RALGPS2: variants seen among roughly 807,000 people sequenced by gnomAD.
RALGPS2 encodes Ral GEF with PH domain and SH3 binding motif 2.
Under a neutral mutation model 86.8 loss-of-function variants are expected in RALGPS2, and 43 were observed. The ratio of observed to expected loss-of-function variants is 0.50; its 90% CI spans 0.39 to 0.64. The LOEUF (loss-of-function observed/expected upper bound fraction) is 0.64, where lower values mean the gene tolerates loss of function less well. RALGPS2 is among the 30% of genes least tolerant of loss of function. RALGPS2 has a pLI of 0.00. For missense variants in RALGPS2, 536 were observed against 694.6 expected, an observed-to-expected ratio of 0.77 and a Z score of 2.57; for synonymous variants, 243 against 231.3, an observed-to-expected ratio of 1.05 and a Z score of -0.46.
chr1:178,885,840 T>G, intron 12 of RALGPS2, 129 bp from the exon 13 acceptor site: 1 of 793,594 alleles, frequency 1.3e-6, no homozygotes, highest in Non-Finnish European at 1.9e-6. Flanking sequence ...ACTGTTCATT[T>G]GAGGCTTTTA....
chr1:178,816,434 T>C (rs1655232805), intron 6 of RALGPS2, among the ~76,000 whole-genome samples: 1 of 152,186 alleles, frequency 6.6e-6, no homozygotes, highest in Admixed American at 6.5e-5. Flanking sequence ...ATAGGATTGT[T>C]TGTCTTATCA....
At chr1:178,884,334 A>C in intron 11 of RALGPS2, among the ~76,000 whole-genome samples, 1 of 152,206 alleles carries the variant, frequency 6.6e-6, no homozygotes, top group East Asian at 1.9e-4. Flanking sequence ...CATATACCAC[A>C]AATAATTTTT....
intron 8 of RALGPS2, among the ~76,000 whole-genome samples, chr1:178,855,414 A>G (rs1657468091): frequency 6.6e-6 from 1 of 151,920 alleles, no homozygotes; most frequent in Non-Finnish European, 1.5e-5. Flanking sequence ...AGTACACGCA[A>G]AAATCAAGAG....
In RALGPS2 at chr1:178,746,924, A is replaced by G. The variant is rs985519187; in HGVS notation, c.-84+21505A>G. ...GTTCCTATTGTATTTTTCAGTCATT[A>G]TTTTGTTTGGTGAATGATCAAAAGC... On this transcript the variant is annotated intron_variant, in intron 1 of 19. Coordinates refer to ENST00000367635, the MANE Select transcript of RALGPS2 (RefSeq NM_152663.5). 4.6e-6 allele frequency: 5 copies of G among 1,090,308 alleles called. No individual in the cohort carries two copies. In the African/African-American group the frequency reaches 7.6e-5, roughly 17 times the overall value. 67.5% of individuals were successfully genotyped at this position (1,090,308 alleles called of 1,614,324 possible).
intron 11 of RALGPS2, among the ~76,000 whole-genome samples, chr1:178,884,592 C>T (rs957562617): frequency 1.3e-5 from 2 of 152,098 alleles, no homozygotes; most frequent in African/African-American, 4.8e-5. Context: ...TGCTGTTTTG[C>T]ACTTTTATAA....
chr1:178,810,026 CACTTGAGCCCAAGAGTTCAAGACCA>C (rs1384602284), intron 5 of RALGPS2, among the ~76,000 whole-genome samples: 1 of 151,772 alleles, frequency 6.6e-6, no homozygotes, highest in Non-Finnish European at 1.5e-5. Context: ...ACAGGAGGAT[CACTTGAGCCCAAGAGTTCAAGACCA>C]GCTTGGGCAA....
At chr1:178,767,229 A>G (rs1003415612) in intron 1 of RALGPS2, among the ~76,000 whole-genome samples, 5 of 152,162 alleles carry the variant, frequency 3.3e-5, no homozygotes, top group African/African-American at 9.7e-5. Flanking sequence ...CAGGTTATGA[A>G]TAATTGCTGG....
At chr1:178,838,439 T>TC (rs891533742) in intron 8 of RALGPS2, among the ~76,000 whole-genome samples, 40 of 152,000 alleles carry the variant, frequency 2.6e-4, no homozygotes, top group African/African-American at 8.7e-4. Context: ...TCCAGCAAAC[T>TC]CCAACAGACC....
intron 4 of RALGPS2, among the ~76,000 whole-genome samples, chr1:178,797,985 T>TTA (rs764619781): frequency 1.0e-5 from 1 of 95,424 alleles, no homozygotes; most frequent in African/African-American, 3.9e-5. Context: ...CAACAATTTG[T>TTA]AAAAAAAAAA....
intron 8 of RALGPS2, among the ~76,000 whole-genome samples, chr1:178,839,643 A>C (rs1393214161): frequency 3.3e-5 from 5 of 152,208 alleles, no homozygotes; most frequent in African/African-American, 1.2e-4. Flanking sequence ...TAATGACAGG[A>C]TCAAATTCAC....
chr1:178,896,466 T>C lies in RALGPS2; in HGVS notation c.1432-1198T>C, dbSNP rs530978240. Among the ~76,000 whole-genome samples, 397 of 147,222 alleles carry C rather than the reference T, an allele frequency of 2.7e-3. 1 individual carries two copies. The highest frequency in any genetic ancestry group is 9.2e-3 in the African/African-American group (348 of 37,728). On this transcript the variant is annotated intron_variant, in intron 16 of 19. Coordinates refer to ENST00000367635, the MANE Select transcript of RALGPS2 (RefSeq NM_152663.5). Reference sequence around the variant, plus strand: ...AAAGCAAACTTCTTTATTTTTTTTTTCTTTTTTTTTTTTTATTATACTTTA... The same window carrying C: ...AAAGCAAACTTCTTTATTTTTTTTTCCTTTTTTTTTTTTTATTATACTTTA...
At chr1:178,797,223 A>G (rs566519313) in intron 4 of RALGPS2, among the ~76,000 whole-genome samples, 3 of 152,302 alleles carry the variant, frequency 2.0e-5, no homozygotes, top group Admixed American at 1.3e-4. Context: ...CTGTGGCATA[A>G]TTTATTTCCT....
At chr1:178,888,582 A>G (rs1458902107) in intron 13 of RALGPS2, among the ~76,000 whole-genome samples, 1 of 152,194 alleles carries the variant, frequency 6.6e-6, no homozygotes, top group African/African-American at 2.4e-5. Context: ...TCTTTACCAC[A>G]TAGTGCCACA....
chr1:178,787,066 C>A (rs191545589), intron 4 of RALGPS2, among the ~76,000 whole-genome samples: 50 of 151,402 alleles, frequency 3.3e-4, no homozygotes, highest in Admixed American at 1.1e-3. Context: ...ACAATGTATT[C>A]TATAAATAAA....
chr1:178,814,402 G>C (rs1350115672), intron 6 of RALGPS2, among the ~76,000 whole-genome samples: 1 of 152,098 alleles, frequency 6.6e-6, no homozygotes, highest in African/African-American at 2.4e-5. Flanking sequence ...GAAATACAGA[G>C]TTCGTACTAG....
chr1:178,748,797 G>A (rs1187663844), intron 1 of RALGPS2, among the ~76,000 whole-genome samples: 2 of 147,744 alleles, frequency 1.4e-5, no homozygotes, highest in Non-Finnish European at 3.0e-5. Context: ...GTTGCAGTGA[G>A]CCGAGATTGC....
At chr1:178,824,765 C>T (rs950699611) in intron 7 of RALGPS2, among the ~76,000 whole-genome samples, 3 of 151,686 alleles carry the variant, frequency 2.0e-5, no homozygotes, top group South Asian at 2.1e-4. Context: ...GCCGAGATCG[C>T]GCTACTGCAC....
chr1:178,902,299 A>G (rs1337648986), intron 18 of RALGPS2, 88 bp downstream of exon 18: 9 of 1,057,360 alleles, frequency 8.5e-6, no homozygotes, highest in South Asian at 1.4e-5. Context: ...TACTTGTCAT[A>G]TATATAATGT....
intron 6 of RALGPS2, among the ~76,000 whole-genome samples, chr1:178,813,648 G>A (rs1052015580): frequency 1.3e-5 from 2 of 152,156 alleles, no homozygotes; most frequent in African/African-American, 4.8e-5. Context: ...ATAGATTTTA[G>A]GAATTGGCTT....
Sources: allele counts gnomAD v4.1 joint callset (sites outside exome capture counted in the v4.1 genomes callset), GRCh38; gene constraint gnomAD v4.1.1; transcripts MANE v1.5; gene names NCBI Gene and HGNC (gene_info 2026-07-23, HGNC 2026-07-21).